The following MCPH1 variants were observed in gnomAD, a reference collection of about 807,000 sequenced individuals.
MCPH1 encodes microcephalin 1.
MCPH1 carries 104 observed loss-of-function variants against 84.5 expected under a neutral mutation model. The ratio of observed to expected loss-of-function variants is 1.23; its 90% CI spans 1.05 to 1.45. The LOEUF (loss-of-function observed/expected upper bound fraction) is 1.45, where lower values mean the gene tolerates loss of function less well. Among genes scored for constraint, MCPH1 ranks in the 40% most tolerant of loss-of-function variants. MCPH1 has a pLI of 0.00. For synonymous variants in MCPH1, 514 were observed against 366.8 expected, an observed-to-expected ratio of 1.40 and a Z score of -4.58; for missense variants, 1,498 against 1,005.7, an observed-to-expected ratio of 1.49 and a Z score of -6.62.
chr8:6,559,540 T>A (rs1193895193), intron 12 of MCPH1, among the ~76,000 whole-genome samples: 1 of 145,934 alleles, frequency 6.9e-6, no homozygotes, highest in Non-Finnish European at 1.5e-5. Context: ...GAGGAAATGT[T>A]TGCCTCCGTA....
At chr8:6,421,923 G>C (rs1211425430) in intron 3 of MCPH1, among the ~76,000 whole-genome samples, 1 of 152,166 alleles carries the variant, frequency 6.6e-6, no homozygotes, top group Non-Finnish European at 1.5e-5. Context: ...TGAGAACTCT[G>C]CCCCGTCTTC....
At chr8:6,617,601 T>A (rs1339943386) in intron 12 of MCPH1, among the ~76,000 whole-genome samples, 1 of 151,828 alleles carries the variant, frequency 6.6e-6, no homozygotes, top group Non-Finnish European at 1.5e-5. Flanking sequence ...CGCACTCCTG[T>A]TTCTGGGGTG....
rs1000773613 is a variant in MCPH1 at position 6,636,985 on chromosome 8, G to T, written c.2453-6009G>T. On this transcript the variant is annotated intron_variant, in intron 13 of 13. Transcript: ENST00000344683. ...CACATTCTTAGGATGTCCTAGAGAA[G>T]TATCAGCGATGTGAATGTCTCCAGT... Among the ~76,000 whole-genome samples, 3 of 152,228 alleles carry T rather than the reference G, an allele frequency of 2.0e-5. No homozygotes were observed. The East Asian group carries it at 5.8e-4, about 29-fold the overall frequency.
intron 12 of MCPH1, among the ~76,000 whole-genome samples, chr8:6,520,336 G>C (rs1272572843): frequency 6.6e-6 from 1 of 152,142 alleles, no homozygotes; most frequent in African/African-American, 2.4e-5. Context: ...GAGCAGAATA[G>C]GGTAAACTTA....
At chr8:6,611,261 C>T (rs542727661) in intron 12 of MCPH1, among the ~76,000 whole-genome samples, 11 of 152,280 alleles carry the variant, frequency 7.2e-5, no homozygotes, top group African/African-American at 2.6e-4. Context: ...GCACCGCCTG[C>T]CTGGAGTTAG....
intron 12 of MCPH1, among the ~76,000 whole-genome samples, chr8:6,542,097 G>A (rs1458547359): frequency 6.6e-6 from 1 of 151,626 alleles, no homozygotes. Flanking sequence ...GATGCATTTA[G>A]GCTACAATAT....
At chr8:6,609,627 G>A (rs745328782) in intron 12 of MCPH1, among the ~76,000 whole-genome samples, 4 of 152,174 alleles carry the variant, frequency 2.6e-5, no homozygotes, top group Non-Finnish European at 5.9e-5. Context: ...ATTTGCATGT[G>A]GCTTTTGGAA....
chr8:6,580,453 A>C (rs960851859), intron 12 of MCPH1, among the ~76,000 whole-genome samples: 1 of 152,122 alleles, frequency 6.6e-6, no homozygotes, highest in Non-Finnish European at 1.5e-5. Flanking sequence ...CCAGGAGTTC[A>C]AGACCAGCCT....
chr8:6,505,577 T>C (rs1813427690), intron 12 of MCPH1, among the ~76,000 whole-genome samples: 1 of 119,832 alleles, frequency 8.3e-6, no homozygotes, highest in South Asian at 2.6e-4. Flanking sequence ...ATATAGAATG[T>C]ATATTCTTTT....
chr8:6,549,283 A>G (rs1020169276), intron 12 of MCPH1, among the ~76,000 whole-genome samples: 3 of 152,264 alleles, frequency 2.0e-5, no homozygotes, highest in African/African-American at 7.2e-5. Flanking sequence ...GTGATGGAAA[A>G]GAAGAAACTT....
At chr8:6,641,668 C>G (rs112677483) in intron 13 of MCPH1, among the ~76,000 whole-genome samples, 82 of 152,222 alleles carry the variant, frequency 5.4e-4, no homozygotes, top group African/African-American at 1.9e-3. Context: ...CACCTGAGTC[C>G]AGGAGACTGA....
intron 11 of MCPH1, among the ~76,000 whole-genome samples, chr8:6,489,577 C>T (rs1449093207): frequency 6.6e-6 from 1 of 152,114 alleles, no homozygotes; most frequent in African/African-American, 2.4e-5. Flanking sequence ...AGTGGAAGCA[C>T]TAGGGTTATG....
At chr8:6,527,701 T>G in intron 12 of MCPH1, 1 of 1,570,086 alleles carries the variant, frequency 6.4e-7, no homozygotes, top group Middle Eastern at 1.9e-4. Flanking sequence ...ATGAAGTTCC[T>G]ATTAATTATT....
At chr8:6,604,025 G>A (rs1045077214) in intron 12 of MCPH1, among the ~76,000 whole-genome samples, 1 of 143,684 alleles carries the variant, frequency 7.0e-6, no homozygotes, top group Non-Finnish European at 1.5e-5. Context: ...TAACCTGTCT[G>A]TGACATATGT....
intron 13 of MCPH1, among the ~76,000 whole-genome samples, chr8:6,627,671 G>T (rs912813478): frequency 1.1e-4 from 17 of 152,026 alleles, no homozygotes; most frequent in African/African-American, 3.9e-4. Flanking sequence ...CGGGTGGGTC[G>T]TTTGAGCCCA....
chr8:6,558,183 C>T (rs759086292), intron 12 of MCPH1, among the ~76,000 whole-genome samples: 29 of 152,232 alleles, frequency 1.9e-4, no homozygotes, highest in Admixed American at 3.9e-4. Flanking sequence ...AAAGAAGGAA[C>T]GCTGTACATT....
chr8:6,506,553 G>C (rs1426439350), intron 12 of MCPH1, among the ~76,000 whole-genome samples: 1 of 152,176 alleles, frequency 6.6e-6, no homozygotes, highest in African/African-American at 2.4e-5. Flanking sequence ...CAGCATGTGG[G>C]GAAATGGTAG....
intron 12 of MCPH1, among the ~76,000 whole-genome samples, chr8:6,546,332 C>T (rs933638111): frequency 6.6e-6 from 1 of 152,158 alleles, no homozygotes; most frequent in Non-Finnish European, 1.5e-5. Context: ...ACCGTTTCAA[C>T]AGTATCAGCT....
intron 9 of MCPH1, among the ~76,000 whole-genome samples, chr8:6,461,848 C>T (rs1177947776): frequency 6.6e-6 from 1 of 152,230 alleles, no homozygotes; most frequent in Non-Finnish European, 1.5e-5. Context: ...TAGATACCAG[C>T]ACTCTGGTAG....
Sources: allele counts gnomAD v4.1 joint callset (sites outside exome capture counted in the v4.1 genomes callset), GRCh38; gene constraint gnomAD v4.1.1; transcripts MANE v1.5; gene names NCBI Gene and HGNC (gene_info 2026-07-23, HGNC 2026-07-21).